The following XPNPEP3 variants were observed in gnomAD, a reference collection of about 807,000 sequenced individuals.
The protein encoded by XPNPEP3 is X-prolyl aminopeptidase 3.
In XPNPEP3, 41 loss-of-function variants were observed where a neutral mutation model predicts 60.0. The observed-to-expected ratio is 0.68, with a 90% CI of 0.53 to 0.89. XPNPEP3 has a LOEUF of 0.89. Among genes scored for constraint, XPNPEP3 ranks in the 40% least tolerant of loss-of-function variants. The pLI, the probability that XPNPEP3 is intolerant of heterozygous loss-of-function variation, is 0.00. For missense variants in XPNPEP3, 598 were observed against 638.9 expected (o/e 0.94, Z 0.69); for synonymous variants, 212 against 223.2 (o/e 0.95, Z 0.45).
intron 7 of XPNPEP3, among the ~76,000 whole-genome samples, chr22:40,918,004 C>T: frequency 7.8e-6 from 1 of 128,942 alleles, no homozygotes; most frequent in South Asian, 2.3e-4. Flanking sequence ...GAGTGAGACT[C>T]TGTCTAAAAA....
intron 4 of XPNPEP3, among the ~76,000 whole-genome samples, chr22:40,903,008 C>T (rs1240794700): frequency 6.6e-6 from 1 of 152,184 alleles, no homozygotes; most frequent in African/African-American, 2.4e-5. Flanking sequence ...GTCACATAGG[C>T]ATATCCCTGC....
At chr22:40,902,424 G>T (rs1486182997) in intron 4 of XPNPEP3, among the ~76,000 whole-genome samples, 1 of 151,966 alleles carries the variant, frequency 6.6e-6, no homozygotes, top group African/African-American at 2.4e-5. Flanking sequence ...TAATTTTTTT[G>T]TATTTTTAGT....
Position 40,882,297 on chromosome 22 carries a change from C to T in XPNPEP3, c.589+120C>T, listed in dbSNP as rs775136602. 4 of 1,105,840 alleles carry T rather than the reference C, an allele frequency of 3.6e-6. No homozygotes were observed. In the East Asian group the frequency reaches 9.9e-5, roughly 27 times the overall value. 68.5% of individuals were successfully genotyped at this position (1,105,840 alleles called of 1,614,324 possible). ...ACCACCATGAAAAGACCATGAGCAC[C>T]ATGAAAGAAATGTAAAGTCTTTTTC... On this transcript the variant is annotated intron_variant, in intron 3 of 9. Transcript: ENST00000357137.
chr22:40,904,399 A>G (rs2058146446), intron 4 of XPNPEP3, among the ~76,000 whole-genome samples: 1 of 152,324 alleles, frequency 6.6e-6, no homozygotes, highest in South Asian at 2.1e-4. Flanking sequence ...CTGTCCTGGC[A>G]CAATGGTGTG....
intron 4 of XPNPEP3, among the ~76,000 whole-genome samples, chr22:40,896,361 G>C (rs950767568): frequency 1.2e-4 from 18 of 152,070 alleles, no homozygotes; most frequent in Admixed American, 2.6e-4. Flanking sequence ...GTGGTGAGAT[G>C]CATATAAAAT....
intron 1 of XPNPEP3, chr22:40,861,020 AAC>A (rs916818795): frequency 6.6e-7 from 1 of 1,525,772 alleles, no homozygotes; most frequent in Non-Finnish European, 8.8e-7. Flanking sequence ...GATTAACCAA[AAC>A]ACACACAATT....
At chr22:40,867,320 G>A (rs1003738793) in intron 1 of XPNPEP3, among the ~76,000 whole-genome samples, 3 of 151,982 alleles carry the variant, frequency 2.0e-5, no homozygotes, top group South Asian at 2.1e-4. Flanking sequence ...CCCCCTTGCC[G>A]CTCACTAGGT....
At chr22:40,918,506 T>C (rs2146277859) in intron 7 of XPNPEP3, among the ~76,000 whole-genome samples, 1 of 152,056 alleles carries the variant, frequency 6.6e-6, no homozygotes, top group South Asian at 2.1e-4. Flanking sequence ...ACCCTGTCTC[T>C]ACTAAAAACA....
chr22:40,916,692 G>A (rs1268104532), intron 7 of XPNPEP3, among the ~76,000 whole-genome samples: 1 of 152,122 alleles, frequency 6.6e-6, no homozygotes, highest in Non-Finnish European at 1.5e-5. Flanking sequence ...GGTGGAGGAG[G>A]AGCCTACTAA....
At chr22:40,901,704 G>T (rs1334202485) in intron 4 of XPNPEP3, among the ~76,000 whole-genome samples, 2 of 151,230 alleles carry the variant, frequency 1.3e-5, no homozygotes, top group Non-Finnish European at 2.9e-5. Context: ...CGAACTGCTG[G>T]ACTCAAGCAA....
chr22:40,891,464 C>T (rs2058088121), intron 4 of XPNPEP3, among the ~76,000 whole-genome samples: 1 of 151,242 alleles, frequency 6.6e-6, no homozygotes, highest in African/African-American at 2.4e-5. Context: ...ACCAGCCTGG[C>T]CTATATGGTG....
chr22:40,882,854 C>G (rs1002287061), intron 3 of XPNPEP3, among the ~76,000 whole-genome samples: 1 of 152,124 alleles, frequency 6.6e-6, no homozygotes, highest in African/African-American at 2.4e-5. Flanking sequence ...AAAAAAAACT[C>G]CATGTTCACT....
chr22:40,925,735 C>G (rs1024890198), intron 9 of XPNPEP3, among the ~76,000 whole-genome samples: 10 of 152,302 alleles, frequency 6.6e-5, no homozygotes, highest in South Asian at 2.1e-4. Context: ...TTTTATATTA[C>G]ACACATCAGA....
intron 7 of XPNPEP3, among the ~76,000 whole-genome samples, chr22:40,914,531 ATTTTTTTTTTT>A (rs560908648): frequency 1.5e-4 from 10 of 67,658 alleles, no homozygotes; most frequent in Admixed American, 6.8e-4. Flanking sequence ...ACTAACAAAG[ATTTTTTTTTTT>A]TTTTTTTTTT....
intron 4 of XPNPEP3, among the ~76,000 whole-genome samples, chr22:40,887,341 A>G (rs1027543583): frequency 6.6e-6 from 1 of 152,114 alleles, no homozygotes; most frequent in African/African-American, 2.4e-5. Context: ...TCTCTTACAG[A>G]TTAGGAATCA....
At chr22:40,900,151 G>A (rs945059121) in intron 4 of XPNPEP3, among the ~76,000 whole-genome samples, 1 of 151,914 alleles carries the variant, frequency 6.6e-6, no homozygotes, top group African/African-American at 2.4e-5. Context: ...AAAACATAAG[G>A]GTGAATCTTC....
At chr22:40,881,713 C>A in intron 2 of XPNPEP3, 57 bp from the exon 3 acceptor site, 1 of 1,588,442 alleles carries the variant, frequency 6.3e-7, no homozygotes, top group Non-Finnish European at 8.6e-7. Flanking sequence ...ATTAAACTAC[C>A]TTAAGTACTT....
intron 2 of XPNPEP3, among the ~76,000 whole-genome samples, chr22:40,876,093 A>C (rs1841613686): frequency 6.6e-6 from 1 of 152,162 alleles, no homozygotes; most frequent in Admixed American, 6.5e-5. Flanking sequence ...GACACTGAGA[A>C]ACTCTCTGAG....
chr22:40,918,328 C>G (rs756176344), intron 7 of XPNPEP3, among the ~76,000 whole-genome samples: 1 of 152,108 alleles, frequency 6.6e-6, no homozygotes, highest in Non-Finnish European at 1.5e-5. Context: ...GAACTATGAT[C>G]ACATCACTGT....
Sources: gnomAD v4.1 joint callset for allele counts (sites outside exome capture counted in the v4.1 genomes callset) on GRCh38, gnomAD v4.1.1 for gene constraint, MANE v1.5 for transcripts, NCBI Gene and HGNC (gene_info 2026-07-23, HGNC 2026-07-21) for gene names.